The following DIP2B variants were observed in gnomAD, a reference collection of about 807,000 sequenced individuals.
DIP2B encodes the protein DIP2 acetate--CoA ligase B (putative).
In DIP2B, 76 loss-of-function variants were observed where a neutral mutation model predicts 198.0. The ratio of observed to expected loss-of-function variants is 0.38; its 90% CI spans 0.32 to 0.46. DIP2B has a LOEUF of 0.46. Ranked by LOEUF, DIP2B falls within the 20% of genes least tolerant of loss-of-function variation. The pLI is 0.99. For synonymous variants in DIP2B, 701 were observed against 739.1 expected (o/e 0.95, Z 0.84); for missense variants, 1,559 against 1,978.4 (o/e 0.79, Z 4.02).
chr12:50,744,502 GA>G, intron 37 of DIP2B, 84 bp from the exon 38 acceptor site: 1 of 1,564,378 alleles, frequency 6.4e-7, no homozygotes, highest in Non-Finnish European at 8.7e-7. Context: ...AGAAGGCGGG[GA>G]AATGGGCTAA....
chr12:50,662,397 G>A (rs1311985807), intron 4 of DIP2B, among the ~76,000 whole-genome samples: 1 of 152,222 alleles, frequency 6.6e-6, no homozygotes, highest in African/African-American at 2.4e-5. Context: ...GGGATATCTT[G>A]ATGCTGTCAT....
At chr12:50,519,899 AT>A (rs1003530949) in intron 1 of DIP2B, among the ~76,000 whole-genome samples, 1 of 149,628 alleles carries the variant, frequency 6.7e-6, no homozygotes, top group South Asian at 2.1e-4. Context: ...CATCTGCAAG[AT>A]TTTTTTTTCT....
At chr12:50,526,417 C>T (rs555167656) in intron 1 of DIP2B, among the ~76,000 whole-genome samples, 119 of 152,224 alleles carry the variant, frequency 7.8e-4, no homozygotes, top group African/African-American at 2.7e-3. Flanking sequence ...TATGTGACAA[C>T]TTTCCGTTTC....
intron 1 of DIP2B, among the ~76,000 whole-genome samples, chr12:50,587,026 TG>T (rs1653028658): frequency 6.6e-6 from 1 of 152,246 alleles, no homozygotes; most frequent in South Asian, 2.1e-4. Context: ...TCACTGTATG[TG>T]TCTCTTTTGT....
intron 2 of DIP2B, among the ~76,000 whole-genome samples, chr12:50,630,726 C>T (rs1938034431): frequency 7.9e-6 from 1 of 126,046 alleles, no homozygotes; most frequent in Non-Finnish European, 1.6e-5. Flanking sequence ...GGCTGGAGTG[C>T]AATGGCGTGA....
At chr12:50,590,393 G>A (rs1006710137) in intron 1 of DIP2B, among the ~76,000 whole-genome samples, 5 of 151,006 alleles carry the variant, frequency 3.3e-5, no homozygotes, top group African/African-American at 7.3e-5. Context: ...TTCCTGAGAC[G>A]GAGCCTTGCT....
At chr12:50,696,100 T>A in intron 16 of DIP2B, 133 bp downstream of exon 16, 1 of 1,368,980 alleles carries the variant, frequency 7.3e-7, no homozygotes, top group South Asian at 1.4e-5. Flanking sequence ...GTGGTTTTGG[T>A]ATATTCACGA....
chr12:50,675,501 C>T, intron 7 of DIP2B, 53 bp downstream of exon 7: 3 of 1,548,640 alleles, frequency 1.9e-6, no homozygotes, highest in South Asian at 2.3e-5. Flanking sequence ...ATATCTTAAG[C>T]AGTTACTATG....
At chr12:50,712,733 C>G (rs1939641420) in intron 22 of DIP2B, among the ~76,000 whole-genome samples, 1 of 151,998 alleles carries the variant, frequency 6.6e-6, no homozygotes, top group Admixed American at 6.6e-5. Context: ...ATAGTGAAAC[C>G]CCGTCTCTAA....
At chr12:50,686,892 C>CA (rs150189103) in intron 12 of DIP2B, 10,505 of 319,920 alleles carry the variant, frequency 0.033, 81 homozygotes, top group African/African-American at 0.058. Flanking sequence ...AGAATGACGG[C>CA]AAAAAAAAAA....
At chr12:50,571,548 G>GT (rs71083600) in intron 1 of DIP2B, among the ~76,000 whole-genome samples, 18,214 of 85,784 alleles carry the variant, frequency 0.21, 3,222 homozygotes, top group South Asian at 0.26. Flanking sequence ...AAACCTAGGC[G>GT]TTTTTTTTTT....
intron 22 of DIP2B, among the ~76,000 whole-genome samples, chr12:50,711,857 G>A (rs1939622233): frequency 6.6e-6 from 1 of 152,190 alleles, no homozygotes; most frequent in Non-Finnish European, 1.5e-5. Flanking sequence ...ACTGCACCTG[G>A]CTCCTTAAAT....
intron 4 of DIP2B, among the ~76,000 whole-genome samples, chr12:50,665,273 C>T (rs1938730194): frequency 6.6e-6 from 1 of 152,130 alleles, no homozygotes; most frequent in African/African-American, 2.4e-5. Context: ...AATGACCGCC[C>T]TGTGTCATTT....
intron 1 of DIP2B, among the ~76,000 whole-genome samples, chr12:50,541,490 G>A (rs544246586): frequency 4.0e-5 from 6 of 150,064 alleles, no homozygotes; most frequent in African/African-American, 9.8e-5. Flanking sequence ...AACAGAGATA[G>A]AAAATGTTTA....
intron 3 of DIP2B, among the ~76,000 whole-genome samples, chr12:50,659,666 A>G (rs1433680560): frequency 1.3e-5 from 2 of 152,174 alleles, no homozygotes; most frequent in Non-Finnish European, 2.9e-5. Flanking sequence ...AACAATTAAC[A>G]TCTGCCCTTA....
In DIP2B at chr12:50,698,552, C is replaced by T. The variant is rs150346318; in HGVS notation, c.2188+85C>T. On this transcript the variant is annotated intron_variant, in intron 18 of 37. Transcript: ENST00000301180. ...GCCTGATAAAATACAGAATCCCAAA[C>T]GAGGAACCCTTAATTCAGTACTTAA... 65 of 1,493,148 alleles carry T rather than the reference C, an allele frequency of 4.4e-5. No individual in the cohort carries two copies. In the African/African-American group the frequency reaches 6.1e-4, roughly 14 times the overall value. The allele number at this position is 1,493,148 out of a possible 1,614,324, so 92.5% of individuals were successfully genotyped here.
chr12:50,570,272 T>C lies in DIP2B; in HGVS notation c.101-55704T>C, dbSNP rs551062678. Among the ~76,000 whole-genome samples the C allele has an allele frequency of 1.4e-4, 22 of 152,364 alleles. 2 individuals carry two copies. The South Asian group carries it at 2.3e-3, about 16-fold the overall frequency. On this transcript the variant is annotated intron_variant, in intron 1 of 37. Transcript: ENST00000301180. ...TCTGTAGTGTATAGTATGTATATTC[T>C]ATATATGTATGTGTGTATATATGTA...
chr12:50,647,065 TG>T (rs1397256040), intron 3 of DIP2B, among the ~76,000 whole-genome samples: 4 of 89,274 alleles, frequency 4.5e-5, no homozygotes, highest in Non-Finnish European at 8.7e-5. Flanking sequence ...GGGAGGGGGG[TG>T]GGGGACGCTG....
intron 1 of DIP2B, among the ~76,000 whole-genome samples, chr12:50,579,560 C>T (rs1185961520): frequency 3.8e-5 from 5 of 132,254 alleles, no homozygotes; most frequent in African/African-American, 1.4e-4. Flanking sequence ...TGCAGTGAGC[C>T]GAGATCATGG....
Sources: allele counts gnomAD v4.1 joint callset (sites outside exome capture counted in the v4.1 genomes callset), GRCh38; gene constraint gnomAD v4.1.1; transcripts MANE v1.5; gene names NCBI Gene and HGNC (gene_info 2026-07-23, HGNC 2026-07-21).